Variants in LAMB1 observed in about 807,000 individuals in gnomAD.
LAMB1 encodes laminin subunit beta-1.
A neutral mutation model predicts 222.3 loss-of-function variants in LAMB1; 121 were observed. The observed-to-expected ratio is 0.54, with a 90% CI of 0.47 to 0.63. The LOEUF is 0.63. Among genes scored for constraint, LAMB1 ranks in the 30% least tolerant of loss-of-function variants. The pLI, the probability that LAMB1 is intolerant of heterozygous loss-of-function variation, is 0.00. For synonymous variants in LAMB1, 794 were observed against 807.2 expected (o/e 0.98, Z 0.28); for missense variants, 2,172 against 2,240.8 (o/e 0.97, Z 0.62).
At chr7:107,965,041 C>T (rs528574833) in intron 13 of LAMB1, among the ~76,000 whole-genome samples, 1 of 152,318 alleles carries the variant, frequency 6.6e-6, no homozygotes, top group African/African-American at 2.4e-5. Context: ...CCCTGAAGAA[C>T]ATCTCCAGCT....
chr7:107,998,362 T>C lies in LAMB1; in HGVS notation c.344A>G (p.Glu115Gly), dbSNP rs766108475. ...TCCCCACACCAACCACATACCATTT[T>C]CAGATTGCCACCAAATCTTAAGGCG... is the stretch of plus-strand genomic sequence containing the variant. ...PNRLKIWWQS[E>G]NGVENVTIQL... The change falls in exon 4 of 34, where the codon GAA becomes GGA. Residue 115 changes from glutamate (E) to glycine (G), a missense_variant. By Grantham distance (98) the Glu-to-Gly change is moderately conservative. Coordinates refer to ENST00000222399, the MANE Select transcript of LAMB1 (RefSeq NM_002291.3). 1.4e-5 allele frequency: 22 copies of C among 1,614,044 alleles called. No homozygotes were observed. The highest frequency in any genetic ancestry group is 1.6e-5 in the Non-Finnish European group (19 of 1,179,996).
intron 29 of LAMB1, among the ~76,000 whole-genome samples, chr7:107,930,323 T>G (rs1409915958): frequency 6.6e-6 from 1 of 152,264 alleles, no homozygotes; most frequent in African/African-American, 2.4e-5. Context: ...TTTAAACTAT[T>G]GAACATAAAA....
In LAMB1 at chr7:107,959,520, C is replaced by T. The variant is rs1055372535; in HGVS notation, c.2459-40G>A. 10 of 1,610,240 alleles carry T rather than the reference C, an allele frequency of 6.2e-6. No homozygotes were observed. The African/African-American group carries it at 1.3e-4, about 22-fold the overall frequency. On this transcript the variant is annotated intron_variant, in intron 19 of 33. Transcript: ENST00000222399. The stretch of plus-strand genomic sequence containing the variant: ...AAACAAGGAACTGCCTTGAGAAACT[C>T]ATTCAATGGAAACATGCTCCTTTTA...
intron 5 of LAMB1, among the ~76,000 whole-genome samples, chr7:107,991,934 TAA>T (rs991366713): frequency 6.7e-6 from 1 of 149,976 alleles, no homozygotes; most frequent in African/African-American, 2.5e-5. Flanking sequence ...AAAGAATTTC[TAA>T]GATTCATCAG....
intron 24 of LAMB1, among the ~76,000 whole-genome samples, chr7:107,941,569 CACTT>C (rs1427047835): frequency 2.6e-5 from 4 of 152,196 alleles, no homozygotes; most frequent in Admixed American, 2.0e-4. Flanking sequence ...CATGCAAGGA[CACTT>C]ACATACCTTC....
chr7:107,963,063 C>G lies in LAMB1; in HGVS notation c.1699G>C (p.Gly567Arg), dbSNP rs761900453. Residue 567 changes from glycine to arginine, a missense_variant and splice_region_variant, in exon 15 of 34, where the codon GGG becomes CGG. Gly to Arg is a moderately radical substitution (Grantham distance 125). Coordinates refer to ENST00000222399, the MANE Select transcript of LAMB1 (RefSeq NM_002291.3). ...TATTGCCGCTCCACTATGCTAACCC[C>G]CTGAGGGCATGGCAAACAATGGTTA... is the stretch of plus-strand genomic sequence containing the variant. ...YEAEEANLGP[G>R]VSIVERQYIQ... The G allele has an allele frequency of 6.2e-7, 1 of 1,601,134 alleles. No individual in the cohort carries two copies. The highest frequency in any genetic ancestry group is 8.5e-7 in the Non-Finnish European group (1 of 1,173,682).
At chr7:107,958,498 A>G (rs1268753662) in intron 20 of LAMB1, among the ~76,000 whole-genome samples, 1 of 152,244 alleles carries the variant, frequency 6.6e-6, no homozygotes, top group African/African-American at 2.4e-5. Flanking sequence ...GTGACTTTTA[A>G]AAACAAATAT....
chr7:107,969,864 G>A (rs1159524264), intron 13 of LAMB1, among the ~76,000 whole-genome samples: 2 of 152,230 alleles, frequency 1.3e-5, no homozygotes, highest in Admixed American at 6.5e-5. Flanking sequence ...ACCGTTGTAT[G>A]TGTGGTCCAT....
At chr7:108,002,092 G>A in intron 2 of LAMB1, 8 of 1,475,306 alleles carry the variant, frequency 5.4e-6, no homozygotes, top group Non-Finnish European at 7.2e-6. Flanking sequence ...TCCGGAGCCC[G>A]GCGCAGGGAG....
intron 23 of LAMB1, 73 bp downstream of exon 23, chr7:107,951,936 C>T (rs1348479900): frequency 1.5e-6 from 2 of 1,340,676 alleles, no homozygotes; most frequent in Non-Finnish European, 2.1e-6. Flanking sequence ...GTGCCTTGCT[C>T]TAACTGGGGC....
rs567145220 is a variant in LAMB1, at chr7:107,948,386, G to GA, written c.3391+2839dup. 4.6e-5 allele frequency among the ~76,000 whole-genome samples: 7 copies of GA among 152,062 alleles called. No individual in the cohort carries two copies. The East Asian group carries it at 9.7e-4, about 21-fold the overall frequency. The stretch of plus-strand genomic sequence containing the variant: ...GGAAAGGGGCTTTCTGGTCTTCCAT[G>GA]AAAAAAACAAAACTAAAGATAAGGT... On this transcript the variant is annotated intron_variant, in intron 24 of 33. Coordinates refer to ENST00000222399, the MANE Select transcript of LAMB1 (RefSeq NM_002291.3).
intron 13 of LAMB1, among the ~76,000 whole-genome samples, chr7:107,964,982 T>C (rs976181785): frequency 1.1e-4 from 16 of 152,212 alleles, no homozygotes; most frequent in African/African-American, 3.6e-4. Context: ...TGCTTTGGCA[T>C]GTTACATCTT....
At chr7:107,928,635 G>A (rs1431119133) in intron 31 of LAMB1, among the ~76,000 whole-genome samples, 1 of 152,060 alleles carries the variant, frequency 6.6e-6, no homozygotes, top group African/African-American at 2.4e-5. Flanking sequence ...TGGGACTACA[G>A]GCACACACCA....
chr7:108,003,062 G>T, intron 1 of LAMB1, 49 bp downstream of exon 1: 26 of 1,402,962 alleles, frequency 1.9e-5, no homozygotes, highest in Non-Finnish European at 2.1e-5. Flanking sequence ...GGAAGCGGGG[G>T]GTGGGCTGGA....
rs763522269 is a variant in LAMB1, at chr7:107,962,913, C to T, written c.1849G>A (p.Glu617Lys). 13 of 1,612,006 alleles carry T rather than the reference C, an allele frequency of 8.1e-6. No homozygotes were observed. In the Admixed American group the frequency reaches 1.3e-4, roughly 17 times the overall value. Reference sequence around the variant, plus strand: ...CTAAGTGGTTTCTTTACCTGTGGCTCGTAGCGAATTAGGATGTCGTACTCC... The same window carrying T: ...CTAAGTGGTTTCTTTACCTGTGGCTTGTAGCGAATTAGGATGTCGTACTCC... ...SMEYDILIRY[E>K]PQLPDHWEKA... The change falls in exon 15 of 34, where the codon GAG becomes AAG. Residue 617 changes from glutamate (E) to lysine (K), a missense_variant. Glu to Lys is a moderately conservative substitution (Grantham distance 56). Transcript: ENST00000222399.
intron 3 of LAMB1, 125 bp from the exon 4 acceptor site, chr7:107,998,617 T>G (rs1399258387): frequency 4.1e-6 from 3 of 739,458 alleles, no homozygotes; most frequent in Non-Finnish European, 6.4e-6. Flanking sequence ...AATAATTGTG[T>G]GAAAATTGCT....
intron 5 of LAMB1, 114 bp from the exon 6 acceptor site, chr7:107,986,477 G>C: frequency 3.8e-6 from 3 of 798,162 alleles, no homozygotes; most frequent in Non-Finnish European, 5.9e-6. Flanking sequence ...ACTGCATATG[G>C]TTTGTATTTC....
chr7:108,000,445 T>C (rs1279833981), intron 3 of LAMB1, among the ~76,000 whole-genome samples: 3 of 152,296 alleles, frequency 2.0e-5, no homozygotes, highest in African/African-American at 7.2e-5. Flanking sequence ...ATTGTACAGG[T>C]GGGTGGGCTG....
chr7:107,998,872 A>G (rs1454863623), intron 3 of LAMB1, among the ~76,000 whole-genome samples: 1 of 152,238 alleles, frequency 6.6e-6, no homozygotes, highest in East Asian at 1.9e-4. Context: ...CATAAAGCAA[A>G]CTAAAAATGA....
Sources: allele counts gnomAD v4.1 joint callset (sites outside exome capture counted in the v4.1 genomes callset), GRCh38; gene constraint gnomAD v4.1.1; transcripts MANE v1.5; gene names NCBI Gene and HGNC (gene_info 2026-07-23, HGNC 2026-07-21).